The following KAT2B variants were observed in gnomAD, a reference collection of about 807,000 sequenced individuals.
The protein encoded by KAT2B is histone acetyltransferase KAT2B.
KAT2B carries 36 observed loss-of-function variants against 105.9 expected under a neutral mutation model. That is an observed-to-expected ratio of 0.34 (90% CI 0.26 to 0.45). KAT2B has a LOEUF of 0.45. KAT2B is among the 20% of genes least tolerant of loss of function. The pLI, the probability that KAT2B is intolerant of heterozygous loss-of-function variation, is 1.00. For missense variants in KAT2B, 820 were observed against 1,021.6 expected, an observed-to-expected ratio of 0.80 and a Z score of 2.69; for synonymous variants, 397 against 377.9, an observed-to-expected ratio of 1.05 and a Z score of -0.59.
At chr3:20,127,198 G>A (rs1699420773) in intron 10 of KAT2B, among the ~76,000 whole-genome samples, 1 of 152,042 alleles carries the variant, frequency 6.6e-6, no homozygotes, top group South Asian at 2.1e-4. Context: ...TTAGGTGACT[G>A]GTATTTTGTT....
chr3:20,041,049 C>G (rs549374212), intron 1 of KAT2B, among the ~76,000 whole-genome samples: 8 of 152,270 alleles, frequency 5.3e-5, no homozygotes, highest in African/African-American at 1.9e-4. Context: ...CATCCGAGCT[C>G]CCGGGCTACC....
intron 11 of KAT2B, among the ~76,000 whole-genome samples, chr3:20,134,392 T>C (rs1426079977): frequency 6.6e-6 from 1 of 152,134 alleles, no homozygotes; most frequent in Non-Finnish European, 1.5e-5. Context: ...TTTTGTTTTG[T>C]TGTTTTTGTT....
At chr3:20,078,468 G>A (rs1698458954) in intron 2 of KAT2B, among the ~76,000 whole-genome samples, 1 of 151,896 alleles carries the variant, frequency 6.6e-6, no homozygotes, top group Admixed American at 6.6e-5. Flanking sequence ...CCCCTCTTGG[G>A]CTCAAGCGAT....
At chr3:20,083,492 G>C (rs959241676) in intron 2 of KAT2B, among the ~76,000 whole-genome samples, 2 of 152,158 alleles carry the variant, frequency 1.3e-5, no homozygotes, top group Non-Finnish European at 1.5e-5. Context: ...GTTGACATGG[G>C]TTGGGATTAA....
At chr3:20,129,218 T>C (rs1392464032) in intron 11 of KAT2B, among the ~76,000 whole-genome samples, 3 of 151,962 alleles carry the variant, frequency 2.0e-5, no homozygotes, top group Admixed American at 6.6e-5. Context: ...AGTAGTTATA[T>C]GTATATATTT....
In KAT2B at chr3:20,101,340, G is replaced by A; in HGVS notation, c.723G>A (p.Arg241=). 9 of 1,614,028 alleles carry A rather than the reference G, an allele frequency of 5.6e-6. No individual in the cohort carries two copies. Among genetic ancestry groups the A allele is most frequent in the Non-Finnish European group, 7.6e-6 (9 of 1,179,988 alleles). ...YKFSHLPAKE[R]QTIVELAKMF... ...TTAGTCACCTGCCAGCAAAAGAAAG[G>A]CAAACAATAGTTGAGTTGGCAAAAA... is the stretch of plus-strand genomic sequence containing the variant. Residue 241 remains arginine, a synonymous_variant, in exon 5 of 18, where the codon AGG becomes AGA. Transcript: ENST00000263754.
intron 2 of KAT2B, among the ~76,000 whole-genome samples, chr3:20,089,608 G>C (rs1698679870): frequency 1.3e-5 from 2 of 151,810 alleles, no homozygotes; most frequent in East Asian, 3.9e-4. Flanking sequence ...CACCATATTA[G>C]CCAGGCTGGT....
At position 20,049,160 on chromosome 3, in the gene KAT2B, G is replaced by A. The variant is rs559996745; in HGVS notation, c.303+8380G>A. Reference sequence around the variant, plus strand: ...CAGGTGTGAGCCACCGCGCCTGGCCGGGCATCGCCTTAACTGCCTAGTTTC... The same window carrying A: ...CAGGTGTGAGCCACCGCGCCTGGCCAGGCATCGCCTTAACTGCCTAGTTTC... On this transcript the variant is annotated intron_variant, in intron 1 of 17. Transcript: ENST00000263754. Among the ~76,000 whole-genome samples, 11 of 152,178 alleles carry A rather than the reference G, an allele frequency of 7.2e-5. No homozygotes were observed. The East Asian group carries it at 1.2e-3, about 16-fold the overall frequency.
intron 1 of KAT2B, among the ~76,000 whole-genome samples, chr3:20,049,082 G>A (rs1273173553): frequency 6.6e-6 from 1 of 151,018 alleles, no homozygotes; most frequent in African/African-American, 2.4e-5. Flanking sequence ...AGATGGTCTC[G>A]ATTTCTTGAC....
At chr3:20,124,234 A>G (rs574240574) in intron 9 of KAT2B, among the ~76,000 whole-genome samples, 1 of 152,272 alleles carries the variant, frequency 6.6e-6, no homozygotes, top group African/African-American at 2.4e-5. Flanking sequence ...AGTCTATTGC[A>G]TTGCTACAAA....
chr3:20,111,040 A>C (rs1407537207), intron 5 of KAT2B, among the ~76,000 whole-genome samples: 1 of 152,210 alleles, frequency 6.6e-6, no homozygotes. Flanking sequence ...TAGGCATTTT[A>C]AATAAATCTT....
At chr3:20,111,965 A>G (rs1699129737) in intron 6 of KAT2B, among the ~76,000 whole-genome samples, 178 bp downstream of exon 6, 1 of 152,152 alleles carries the variant, frequency 6.6e-6, no homozygotes, top group Admixed American at 6.5e-5. Flanking sequence ...CAGTCCATTT[A>G]TTAGCCTGAC....
At chr3:20,049,299 TATTTA>T (rs1697872886) in intron 1 of KAT2B, among the ~76,000 whole-genome samples, 1 of 152,200 alleles carries the variant, frequency 6.6e-6, no homozygotes, top group Non-Finnish European at 1.5e-5. Context: ...CACAAATGTC[TATTTA>T]ATTTTATTTG....
intron 10 of KAT2B, among the ~76,000 whole-genome samples, chr3:20,126,707 G>A (rs959023629): frequency 6.6e-5 from 10 of 150,744 alleles, no homozygotes; most frequent in Non-Finnish European, 7.4e-5. Flanking sequence ...CTGTAATCAC[G>A]GCTACTTGGG....
At chr3:20,071,273 C>T (rs539872550) in intron 1 of KAT2B, among the ~76,000 whole-genome samples, 3 of 152,262 alleles carry the variant, frequency 2.0e-5, no homozygotes, top group South Asian at 4.1e-4. Flanking sequence ...CAGAGGCTAC[C>T]GTACTGGATA....
In KAT2B at chr3:20,137,178, AGCCTT is replaced by A. The variant is rs773498073; in HGVS notation, c.1860+127_1860+131del. 2.1e-4 allele frequency: 130 copies of A among 605,248 alleles called. 1 individual carries two copies. Among genetic ancestry groups the A allele is most frequent in the South Asian group, 3.3e-4 (16 of 48,838 alleles). The allele number at this position is 605,248 out of a possible 1,614,324, so 37.5% of individuals were successfully genotyped here. ...TATAAGAACAGGCATTTGTTTTACA[AGCCTT>A]ATGTCAAAAATAAGCTTCAGCCTGG... On this transcript the variant is annotated intron_variant, in intron 12 of 17. Transcript: ENST00000263754.
chr3:20,130,471 T>C (rs1385211660), intron 11 of KAT2B, among the ~76,000 whole-genome samples: 1 of 152,222 alleles, frequency 6.6e-6, no homozygotes, highest in Non-Finnish European at 1.5e-5. Context: ...TGGCTTTTCT[T>C]AGGGTGAAGA....
chr3:20,062,004 TAA>T (rs1698118447), intron 1 of KAT2B, among the ~76,000 whole-genome samples: 1 of 97,394 alleles, frequency 1.0e-5, no homozygotes, highest in African/African-American at 3.9e-5. Flanking sequence ...ATAAAACATA[TAA>T]TATATATTAT....
At chr3:20,150,880 T>C (rs1388263883) in intron 17 of KAT2B, among the ~76,000 whole-genome samples, 1 of 139,138 alleles carries the variant, frequency 7.2e-6, no homozygotes, top group African/African-American at 2.7e-5. Flanking sequence ...CCCCTCCCCC[T>C]TTTTGGGGGG....
Sources: allele counts gnomAD v4.1 joint callset (sites outside exome capture counted in the v4.1 genomes callset), GRCh38; gene constraint gnomAD v4.1.1; transcripts MANE v1.5; gene names NCBI Gene and HGNC (gene_info 2026-07-23, HGNC 2026-07-21).